Variants in HADHA observed in about 807,000 individuals in gnomAD.
HADHA encodes the protein hydroxyacyl-CoA dehydrogenase trifunctional multienzyme complex subunit alpha.
A neutral mutation model predicts 91.3 loss-of-function variants in HADHA; 59 were observed. That is an observed-to-expected ratio of 0.65 (90% confidence interval 0.52 to 0.80). The LOEUF is 0.80. Ranked by LOEUF, HADHA falls within the 30% of genes least tolerant of loss-of-function variation. The pLI, the probability that HADHA is intolerant of heterozygous loss-of-function variation, is 0.00. For synonymous variants in HADHA, 320 were observed against 338.9 expected (o/e 0.94, Z 0.61); for missense variants, 800 against 927.6 (o/e 0.86, Z 1.79).
chr2:26,223,278 G>A (rs879413234), intron 7 of HADHA, among the ~76,000 whole-genome samples: 2 of 152,188 alleles, frequency 1.3e-5, no homozygotes, highest in Non-Finnish European at 2.9e-5. Context: ...ATATTAGGTT[G>A]CTACTATACA....
intron 10 of HADHA, 65 bp from the exon 11 acceptor site, chr2:26,209,954 G>C (rs1052400919): frequency 1.3e-5 from 12 of 890,128 alleles, no homozygotes; most frequent in Admixed American, 1.0e-4. Context: ...GATTCCTTCA[G>C]TTCAGGTTCC....
intron 3 of HADHA, among the ~76,000 whole-genome samples, chr2:26,238,230 T>A (rs1670809492): frequency 6.6e-6 from 1 of 152,188 alleles, no homozygotes; most frequent in Admixed American, 6.5e-5. Context: ...GGTCTCAAAC[T>A]CCTGGGCTGA....
intron 11 of HADHA, among the ~76,000 whole-genome samples, chr2:26,207,160 C>T (rs954763345): frequency 1.6e-4 from 25 of 152,056 alleles, no homozygotes; most frequent in African/African-American, 2.2e-4. Flanking sequence ...ATTATGCCAT[C>T]GCACTCCAGC....
intron 7 of HADHA, among the ~76,000 whole-genome samples, chr2:26,228,828 T>C (rs1274450166): frequency 6.6e-6 from 1 of 151,870 alleles, no homozygotes; most frequent in Non-Finnish European, 1.5e-5. Context: ...TACACTATGA[T>C]ACCCAGCTAA....
At chr2:26,219,931 C>T (rs1670334337) in intron 7 of HADHA, among the ~76,000 whole-genome samples, 2 of 152,130 alleles carry the variant, frequency 1.3e-5, no homozygotes, top group Non-Finnish European at 2.9e-5. Flanking sequence ...TAAGCAATTC[C>T]CAGAAATGAG....
chr2:26,216,480 C>T (rs1190362964), intron 7 of HADHA, among the ~76,000 whole-genome samples: 1 of 151,798 alleles, frequency 6.6e-6, no homozygotes, highest in African/African-American at 2.4e-5. Flanking sequence ...GCCACTGTGC[C>T]CAGCTAAATT....
intron 7 of HADHA, among the ~76,000 whole-genome samples, chr2:26,228,130 A>G (rs1023104764): frequency 2.7e-5 from 4 of 149,104 alleles, no homozygotes; most frequent in Admixed American, 6.7e-5. Flanking sequence ...TTGTCCACAT[A>G]AAGACTTTTT....
At chr2:26,241,788 G>T (rs1337268157) in intron 1 of HADHA, among the ~76,000 whole-genome samples, 3 of 152,148 alleles carry the variant, frequency 2.0e-5, no homozygotes, top group East Asian at 3.8e-4. Context: ...TTAGATTTAG[G>T]ATAGGAGTGG....
At chr2:26,209,708 G>T in intron 11 of HADHA, 72 bp downstream of exon 11, 1 of 819,154 alleles carries the variant, frequency 1.2e-6, no homozygotes, top group Non-Finnish European at 2.2e-6. Context: ...TAGCTCTGTA[G>T]ATCTTCAAAG....
chr2:26,195,710 C>T (rs1046898047), intron 14 of HADHA, among the ~76,000 whole-genome samples: 1 of 152,192 alleles, frequency 6.6e-6, no homozygotes, highest in African/African-American at 2.4e-5. Flanking sequence ...CACTCCTCAA[C>T]AGTCAGATGC....
Position 26,192,441 on chromosome 2 carries a change from A to AAGGGAGTGTTACTATTTGTTCTCAGGG in HADHA, c.1886-44_1886-18dup. 2.3e-6 allele frequency: 3 copies of AAGGGAGTGTTACTATTTGTTCTCAGGG among 1,277,932 alleles called. No homozygotes were observed. Among genetic ancestry groups the AAGGGAGTGTTACTATTTGTTCTCAGGG allele is most frequent in the Non-Finnish European group, 3.4e-6 (3 of 872,892 alleles). 79.2% of individuals were successfully genotyped at this position (1,277,932 alleles called of 1,614,324 possible). ...ATTTACGACCTAAAACAGGCAAGAA[A>AAGGGAGTGTTACTATTTGTTCTCAGGG]AGGGAGTGTTACTATTTGTTCTCAG... On this transcript the variant is annotated splice_polypyrimidine_tract_variant and intron_variant, in intron 17 of 19. Coordinates refer to ENST00000380649, the MANE Select transcript of HADHA (RefSeq NM_000182.5).
chr2:26,232,663 G>A (rs567481876), intron 5 of HADHA, among the ~76,000 whole-genome samples: 3 of 152,194 alleles, frequency 2.0e-5, no homozygotes, highest in East Asian at 3.9e-4. Flanking sequence ...TACCATATGC[G>A]GAATTGTTTT....
rs780821979 is a variant in HADHA, at chr2:26,209,843, C to T, written c.1022G>A (p.Gly341Glu). 1.2e-6 allele frequency: 2 copies of T among 1,606,582 alleles called. No homozygotes were observed. Among genetic ancestry groups the T allele is most frequent in the Admixed American group, 1.7e-5 (1 of 60,014 alleles). Residue 341 changes from glycine to glutamate, a missense_variant, in exon 11 of 20, where the codon GGA becomes GAA. Physicochemically the swap from Gly to Glu is moderately conservative, Grantham distance 98 (BLOSUM62 -2). Transcript: ENST00000380649. ...GCACAGGACCTGACCATGGTAGAGTCCCATCAAGGCCTTTGATTCTTTGGT... is the reference window on the plus strand; with the variant it reads ...GCACAGGACCTGACCATGGTAGAGTTCCATCAAGGCCTTTGATTCTTTGGT... Reference protein sequence around the residue: ...VMTKESKALMGLYHGQVLCKK... With the variant: ...VMTKESKALMELYHGQVLCKK...
intron 16 of HADHA, among the ~76,000 whole-genome samples, 156 bp downstream of exon 16, chr2:26,194,414 C>T (rs566283932): frequency 3.2e-4 from 49 of 152,226 alleles, no homozygotes; most frequent in Middle Eastern, 3.4e-3. Context: ...GCCCAACTTC[C>T]GACTGCTGTG....
intron 13 of HADHA, 103 bp from the exon 14 acceptor site, chr2:26,197,880 C>G (rs2289020): frequency 6.6e-6 from 5 of 752,378 alleles, no homozygotes; most frequent in African/African-American, 1.7e-5. Context: ...CCACTCTGTC[C>G]CCCACAACTG....
chr2:26,232,427 A>G, intron 5 of HADHA, 148 bp from the exon 6 acceptor site: 1 of 665,246 alleles, frequency 1.5e-6, no homozygotes, highest in South Asian at 1.7e-5. Context: ...AATAATTTCT[A>G]GAATTTACCT....
intron 12 of HADHA, 34 bp downstream of exon 12, chr2:26,204,028 T>C (rs1250469974): frequency 6.2e-7 from 1 of 1,608,460 alleles, no homozygotes; most frequent in South Asian, 1.1e-5. Flanking sequence ...ACAAAGGACA[T>C]TCTAACTCTT....
At chr2:26,231,803 C>T (rs1234908436) in intron 6 of HADHA, among the ~76,000 whole-genome samples, 1 of 151,832 alleles carries the variant, frequency 6.6e-6, no homozygotes, top group East Asian at 1.9e-4. Flanking sequence ...TCCATCTCTA[C>T]TAAAAAATAT....
intron 3 of HADHA, among the ~76,000 whole-genome samples, chr2:26,238,704 G>A (rs1016843235): frequency 1.3e-5 from 2 of 152,214 alleles, no homozygotes; most frequent in African/African-American, 4.8e-5. Flanking sequence ...TAACCAGGAG[G>A]CTGGTGGCAC....
Sources: gnomAD v4.1 joint callset for allele counts (sites outside exome capture counted in the v4.1 genomes callset) on GRCh38, gnomAD v4.1.1 for gene constraint, MANE v1.5 for transcripts, NCBI Gene and HGNC (gene_info 2026-07-23, HGNC 2026-07-21) for gene names.